The following LDLRAD3 variants were observed in gnomAD, a reference collection of about 807,000 sequenced individuals.
The protein encoded by LDLRAD3 is low-density lipoprotein receptor class A domain-containing protein 3.
Under a neutral mutation model 29.4 loss-of-function variants are expected in LDLRAD3, and 20 were observed. The observed-to-expected ratio is 0.68, with a 90% CI of 0.48 to 0.99. LDLRAD3 has a LOEUF of 0.99. Among genes scored for constraint, LDLRAD3 ranks in the 50% least tolerant of loss-of-function variants. The pLI is 0.00. For missense variants in LDLRAD3, 420 were observed against 454.3 expected (o/e 0.92, Z 0.69); for synonymous variants, 157 against 192.7 (o/e 0.81, Z 1.53).
chr11:36,163,351 G>C (rs1854470340), intron 4 of LDLRAD3: 1 of 152,208 alleles, frequency 6.6e-6, no homozygotes, highest in Non-Finnish European at 1.5e-5. Flanking sequence ...TGATTATTCA[G>C]CAGACCCATT....
In LDLRAD3 at chr11:36,079,378, G is replaced by A. The variant is rs11033406; in HGVS notation, c.194-2275G>A. ...ACTTAGTGATGATGAGGAGGATGAG[G>A]ATGAGGATGAGGATGATGATAAATA... On this transcript the variant is annotated intron_variant, in intron 2 of 5. Coordinates refer to ENST00000315571, the MANE Select transcript of LDLRAD3 (RefSeq NM_174902.4). Among the ~76,000 whole-genome samples the A allele has an allele frequency of 4.1e-4, 62 of 152,288 alleles. 1 individual carries two copies. The East Asian group carries it at 0.01, about 25-fold the overall frequency.
chr11:36,091,967 A>G (rs1487835805), intron 3 of LDLRAD3, among the ~76,000 whole-genome samples: 1 of 152,200 alleles, frequency 6.6e-6, no homozygotes, highest in Non-Finnish European at 1.5e-5. Context: ...GGCTGAGCCA[A>G]GTAAATAGCT....
chr11:36,088,919 C>T (rs989958461), intron 3 of LDLRAD3, among the ~76,000 whole-genome samples: 4 of 152,062 alleles, frequency 2.6e-5, no homozygotes, highest in Non-Finnish European at 5.9e-5. Flanking sequence ...AAAAATGACC[C>T]CTCTCCTCCC....
chr11:36,215,180 C>A (rs557771295), intron 4 of LDLRAD3, among the ~76,000 whole-genome samples: 1 of 152,216 alleles, frequency 6.6e-6, no homozygotes, highest in East Asian at 1.9e-4. Context: ...TGTTCCAGAA[C>A]CACATCAAGG....
At chr11:36,201,110 T>A (rs1230020874) in intron 4 of LDLRAD3, among the ~76,000 whole-genome samples, 1 of 152,132 alleles carries the variant, frequency 6.6e-6, no homozygotes. Context: ...AGTAGAGTTA[T>A]TTGAAGGTAG....
intron 4 of LDLRAD3, among the ~76,000 whole-genome samples, chr11:36,186,695 G>A (rs541771138): frequency 2.0e-5 from 3 of 152,250 alleles, no homozygotes; most frequent in Non-Finnish European, 2.9e-5. Context: ...GACGGATGGG[G>A]TATGAATCCC....
At chr11:35,980,008 A>T (rs1851521478) in intron 1 of LDLRAD3, among the ~76,000 whole-genome samples, 1 of 152,254 alleles carries the variant, frequency 6.6e-6, no homozygotes, top group Admixed American at 6.5e-5. Context: ...TGTCTTTAAA[A>T]TAACAATGTG....
rs185912946 is a variant in LDLRAD3, at chr11:36,218,496, G to A, written c.455-8589G>A. Among the ~76,000 whole-genome samples the A allele has an allele frequency of 7.9e-5, 12 of 152,370 alleles. No homozygotes were observed. The East Asian group carries it at 2.3e-3, about 29-fold the overall frequency. ...AGTCCGAAGAGGCTACAGGTGGCAA[G>A]ACTCTCACGGAGGTTTTCTTCCTGG... On this transcript the variant is annotated intron_variant, in intron 4 of 5. Coordinates refer to ENST00000315571, the MANE Select transcript of LDLRAD3 (RefSeq NM_174902.4).
At chr11:36,061,696 A>C (rs1403283117) in intron 2 of LDLRAD3, among the ~76,000 whole-genome samples, 1 of 152,192 alleles carries the variant, frequency 6.6e-6, no homozygotes, top group Non-Finnish European at 1.5e-5. Context: ...TAAGTAGAAA[A>C]GACTCGACCA....
chr11:36,035,967 T>G, intron 1 of LDLRAD3, 136 bp from the exon 2 acceptor site: 3 of 750,120 alleles, frequency 4.0e-6, no homozygotes, highest in Non-Finnish European at 6.3e-6. Context: ...ATTTCACAGA[T>G]GAGGAAACTG....
intron 4 of LDLRAD3, among the ~76,000 whole-genome samples, chr11:36,226,124 A>G (rs1031889700): frequency 9.2e-5 from 14 of 152,174 alleles, no homozygotes; most frequent in African/African-American, 3.4e-4. Context: ...TGTACCGAAC[A>G]CATGCACTTA....
intron 4 of LDLRAD3, among the ~76,000 whole-genome samples, chr11:36,204,551 A>C (rs1455191353): frequency 1.3e-5 from 2 of 149,584 alleles, no homozygotes; most frequent in African/African-American, 2.5e-5. Context: ...GTTGGAGTGC[A>C]ATGGCTGCTC....
rs946495544 is a variant in LDLRAD3 at position 36,093,641 on chromosome 11, G to C, written c.320-4686G>C. Among the ~76,000 whole-genome samples the C allele has an allele frequency of 6.6e-5, 10 of 152,296 alleles. No homozygotes were observed. The South Asian group carries it at 1.9e-3, about 28-fold the overall frequency. On this transcript the variant is annotated intron_variant, in intron 3 of 5. Transcript: ENST00000315571. ...TTACTGCACCCCAGGTCTGCTGCTGGAGGCACCCTGCCCATTCAGCCCACC... is the reference window on the plus strand; with the variant it reads ...TTACTGCACCCCAGGTCTGCTGCTGCAGGCACCCTGCCCATTCAGCCCACC...
intron 1 of LDLRAD3, among the ~76,000 whole-genome samples, chr11:35,955,769 A>C (rs1471720936): frequency 6.6e-6 from 1 of 152,246 alleles, no homozygotes; most frequent in Non-Finnish European, 1.5e-5. Context: ...AAATTTTGGA[A>C]GGTTAAAATA....
rs560711132 is a variant in LDLRAD3, at chr11:36,021,848, A to G, written c.47-14255A>G. ...CTTTTTTTGGTAGAAATGACGTCTC[A>G]CTATATACCCCAGGCTGATCTTGAA... is the stretch of plus-strand genomic sequence containing the variant. On this transcript the variant is annotated intron_variant, in intron 1 of 5. Coordinates refer to ENST00000315571, the MANE Select transcript of LDLRAD3 (RefSeq NM_174902.4). Among the ~76,000 whole-genome samples the G allele has an allele frequency of 4.6e-5, 7 of 152,168 alleles. No individual in the cohort carries two copies. In the South Asian group the frequency reaches 1.2e-3, roughly 27 times the overall value.
chr11:36,124,413 C>T (rs939103560), intron 4 of LDLRAD3, among the ~76,000 whole-genome samples: 4 of 152,124 alleles, frequency 2.6e-5, no homozygotes, highest in Non-Finnish European at 5.9e-5. Flanking sequence ...GGTAGGTATT[C>T]TTATTCCTGT....
At chr11:36,160,807 G>A (rs10836513) in intron 4 of LDLRAD3, among the ~76,000 whole-genome samples, 44,870 of 151,848 alleles carry the variant, frequency 0.3, 7,458 homozygotes, top group African/African-American at 0.44. Context: ...TTTTTGGCGT[G>A]GGGAGGGACA....
intron 4 of LDLRAD3, among the ~76,000 whole-genome samples, chr11:36,190,509 A>G (rs1854924830): frequency 1.3e-5 from 2 of 152,196 alleles, no homozygotes; most frequent in Non-Finnish European, 2.9e-5. Context: ...CTAAAAAAAC[A>G]TAATAATGGA....
intron 4 of LDLRAD3, among the ~76,000 whole-genome samples, chr11:36,105,231 G>T (rs1220416582): frequency 2.0e-5 from 3 of 148,602 alleles, no homozygotes; most frequent in Non-Finnish European, 4.4e-5. Context: ...GTGTGTGTGT[G>T]TGTGTGTGAG....
Sources: gnomAD v4.1 joint callset for allele counts (sites outside exome capture counted in the v4.1 genomes callset) on GRCh38, gnomAD v4.1.1 for gene constraint, MANE v1.5 for transcripts, NCBI Gene and HGNC (gene_info 2026-07-23, HGNC 2026-07-21) for gene names.